NAV2: variants seen among roughly 807,000 people sequenced by gnomAD.
NAV2 encodes the protein neuron navigator 2, also known as helicase, APC down-regulated 1.
In NAV2, 54 loss-of-function variants were observed where a neutral mutation model predicts 223.2. That is an observed-to-expected ratio of 0.24 (90% CI 0.19 to 0.30). The LOEUF is 0.30. NAV2 is among the 10% of genes least tolerant of loss of function. The pLI is 1.00. For synonymous variants in NAV2, 1,279 were observed against 1,239.3 expected (o/e 1.03, Z -0.67); for missense variants, 2,806 against 3,147.5 (o/e 0.89, Z 2.60).
intron 1 of NAV2, among the ~76,000 whole-genome samples, chr11:19,437,129 C>T (rs1851244364): frequency 6.6e-6 from 1 of 152,096 alleles, no homozygotes; most frequent in South Asian, 2.1e-4. Context: ...CAGTGCATTT[C>T]TAGATAATGT....
chr11:19,795,165 G>C (rs1481631153), intron 1 of NAV2, among the ~76,000 whole-genome samples: 5 of 152,138 alleles, frequency 3.3e-5, no homozygotes, highest in African/African-American at 9.7e-5. Flanking sequence ...CTATTCCCAA[G>C]GGCCTGAGAA....
intron 1 of NAV2, among the ~76,000 whole-genome samples, chr11:19,466,367 A>G (rs995991927): frequency 2.4e-4 from 36 of 152,080 alleles, no homozygotes; most frequent in Admixed American, 7.9e-4. Flanking sequence ...TGGCAGCTAC[A>G]CTCTTGGGAG....
intron 1 of NAV2, among the ~76,000 whole-genome samples, chr11:19,597,887 T>G (rs1417039585): frequency 6.6e-6 from 1 of 152,194 alleles, no homozygotes; most frequent in Non-Finnish European, 1.5e-5. Flanking sequence ...TTCTCACCTC[T>G]GTAAAGAAAA....
chr11:19,809,186 C>A (rs911187541), intron 1 of NAV2, among the ~76,000 whole-genome samples: 3 of 152,132 alleles, frequency 2.0e-5, no homozygotes, highest in African/African-American at 4.8e-5. Context: ...TTCATGCATG[C>A]AGGAAGAATT....
chr11:19,916,604 A>G (rs1292187268), intron 6 of NAV2, among the ~76,000 whole-genome samples: 1 of 152,236 alleles, frequency 6.6e-6, no homozygotes, highest in Non-Finnish European at 1.5e-5. Flanking sequence ...TTTATTCTGT[A>G]TCACATACTG....
intron 1 of NAV2, among the ~76,000 whole-genome samples, chr11:19,394,085 A>G (rs1250870665): frequency 1.3e-5 from 2 of 152,190 alleles, no homozygotes; most frequent in Admixed American, 1.3e-4. Context: ...AGGAAACATC[A>G]TAGGTCTCTT....
intron 1 of NAV2, among the ~76,000 whole-genome samples, chr11:19,775,207 G>A (rs2056062556): frequency 6.6e-6 from 1 of 152,162 alleles, no homozygotes; most frequent in Non-Finnish European, 1.5e-5. Context: ...TTTTAATACA[G>A]AATATGCTTT....
chr11:20,050,658 G>A (rs764702635), intron 16 of NAV2, among the ~76,000 whole-genome samples: 8 of 151,906 alleles, frequency 5.3e-5, no homozygotes, highest in Non-Finnish European at 1.2e-4. Context: ...TAAACCGTTG[G>A]TCTTTAGAAA....
chr11:19,676,762 G>A (rs942843121), intron 1 of NAV2, among the ~76,000 whole-genome samples: 2 of 152,214 alleles, frequency 1.3e-5, no homozygotes, highest in African/African-American at 4.8e-5. Context: ...GTTAGGCCAC[G>A]AGGATGCTGT....
chr11:20,019,346 G>T (rs2054289243), intron 11 of NAV2, among the ~76,000 whole-genome samples: 1 of 152,196 alleles, frequency 6.6e-6, no homozygotes, highest in Non-Finnish European at 1.5e-5. Context: ...AGAGAATTAG[G>T]ACTGTTAATG....
intron 1 of NAV2, among the ~76,000 whole-genome samples, chr11:19,394,759 C>A (rs760956389): frequency 6.6e-5 from 10 of 152,122 alleles, no homozygotes; most frequent in Non-Finnish European, 1.3e-4. Context: ...GTGGGTAAAA[C>A]CCCAGTGAGG....
At chr11:19,531,889 A>G (rs1328302802) in intron 1 of NAV2, among the ~76,000 whole-genome samples, 2 of 152,208 alleles carry the variant, frequency 1.3e-5, no homozygotes, top group Non-Finnish European at 2.9e-5. Context: ...TAAAATGTGG[A>G]AAAAATGTGT....
chr11:19,836,941 A>T (rs1053542839), intron 2 of NAV2, among the ~76,000 whole-genome samples: 7 of 152,162 alleles, frequency 4.6e-5, no homozygotes, highest in Non-Finnish European at 1.0e-4. Flanking sequence ...TTTTATAAGG[A>T]AACTAATCCT....
intron 1 of NAV2, among the ~76,000 whole-genome samples, chr11:19,735,858 G>A (rs1017827887): frequency 3.9e-5 from 6 of 152,146 alleles, no homozygotes; most frequent in African/African-American, 1.4e-4. Flanking sequence ...AGGATGGGAA[G>A]AACAAATGGA....
rs61741285 is a variant in NAV2, at chr11:20,044,978, C to T, written c.3210C>T (p.Asp1070=). Residue 1070 remains aspartate, a synonymous_variant, in exon 14 of 38, where the codon GAC becomes GAT. Transcript: ENST00000349880. ...ALKTPGTGKT[D]DAKVSEKGRL... ...TGATCTCTCTCTTAGGAAAAACAGA[C>T]GACGCAAAGGTGTCTGAGAAAGGAA... 2.9e-4 allele frequency: 468 copies of T among 1,603,826 alleles called. 6 individuals are homozygous for T. The South Asian group carries it at 3.1e-3, about 11-fold the overall frequency.
intron 6 of NAV2, among the ~76,000 whole-genome samples, chr11:19,906,648 G>C (rs531553977): frequency 1.6e-3 from 244 of 152,302 alleles, no homozygotes; most frequent in Non-Finnish European, 2.7e-3. Flanking sequence ...AACTCACGGG[G>C]GAGAGCAGCC....
intron 1 of NAV2, among the ~76,000 whole-genome samples, chr11:19,668,977 C>T (rs2048504142): frequency 6.6e-6 from 1 of 152,154 alleles, no homozygotes. Context: ...CTTGTCCATT[C>T]TCTTGGGATG....
At chr11:20,117,288 T>C (rs1167933474) in intron 37 of NAV2, among the ~76,000 whole-genome samples, 1 of 152,238 alleles carries the variant, frequency 6.6e-6, no homozygotes, top group Non-Finnish European at 1.5e-5. Context: ...ACACTGTCGC[T>C]AAACTCTTTT....
At chr11:19,872,023 G>A (rs1405285800) in intron 4 of NAV2, among the ~76,000 whole-genome samples, 1 of 152,082 alleles carries the variant, frequency 6.6e-6, no homozygotes, top group African/African-American at 2.4e-5. Flanking sequence ...TTGGAGGTTG[G>A]GGAGTGATGA....
Sources: allele counts gnomAD v4.1 joint callset (sites outside exome capture counted in the v4.1 genomes callset), GRCh38; gene constraint gnomAD v4.1.1; transcripts MANE v1.5; gene names NCBI Gene and HGNC (gene_info 2026-07-23, HGNC 2026-07-21).